DPYD: variants seen among roughly 807,000 people sequenced by gnomAD.
DPYD encodes dihydropyrimidine dehydrogenase.
In DPYD, 109 loss-of-function variants were observed where a neutral mutation model predicts 116.2. That is an observed-to-expected ratio of 0.94 (90% CI 0.80 to 1.10). DPYD has a LOEUF of 1.10. Among genes scored for constraint, DPYD ranks in the 50% least tolerant of loss-of-function variants. The pLI, the probability that DPYD is intolerant of heterozygous loss-of-function variation, is 0.00. For synonymous variants in DPYD, 440 were observed against 432.0 expected, an observed-to-expected ratio of 1.02 and a Z score of -0.23; for missense variants, 1,302 against 1,254.5, an observed-to-expected ratio of 1.04 and a Z score of -0.57.
intron 16 of DPYD, among the ~76,000 whole-genome samples, chr1:97,361,368 C>A (rs926904858): frequency 6.6e-6 from 1 of 152,162 alleles, no homozygotes; most frequent in Non-Finnish European, 1.5e-5. Context: ...CGAATTCTAC[C>A]AGAGGTACAA....
chr1:97,902,229 G>C (rs985320255), intron 1 of DPYD, among the ~76,000 whole-genome samples: 4 of 151,740 alleles, frequency 2.6e-5, no homozygotes, highest in Non-Finnish European at 5.9e-5. Context: ...CCATATTAAA[G>C]ACTGAGTCAA....
intron 18 of DPYD, among the ~76,000 whole-genome samples, chr1:97,240,842 G>A (rs1049756223): frequency 6.6e-6 from 1 of 151,832 alleles, no homozygotes; most frequent in African/African-American, 2.4e-5. Flanking sequence ...CAATGTTAAT[G>A]AAGTTAATAT....
chr1:97,275,357 C>T (rs1664869061), intron 18 of DPYD, among the ~76,000 whole-genome samples: 1 of 152,152 alleles, frequency 6.6e-6, no homozygotes, highest in Non-Finnish European at 1.5e-5. Flanking sequence ...GTTTGAATTG[C>T]TCCTTTGACA....
At chr1:97,571,633 A>C (rs1652901169) in intron 11 of DPYD, among the ~76,000 whole-genome samples, 1 of 151,968 alleles carries the variant, frequency 6.6e-6, no homozygotes, top group Admixed American at 6.6e-5. Context: ...ATCACTAGGT[A>C]CCATCCAGAA....
chr1:97,320,267 C>G lies in DPYD; in HGVS notation c.2059-13970G>C, dbSNP rs1189259717. Among the ~76,000 whole-genome samples, 3 of 144,198 alleles carry G rather than the reference C, an allele frequency of 2.1e-5. No individual in the cohort carries two copies. The East Asian group carries it at 6.3e-4, about 30-fold the overall frequency. The allele number at this position is 144,198 out of a possible 152,430, so 94.6% of individuals were successfully genotyped here. A position where few individuals can be genotyped will look rare whatever the true frequency, so the allele number is the denominator to read the frequency against. ...GCAGGAGAAAGAAATAAAGGGTATT[C>G]AACTAGGAAAAGAGGAAGTCAAATT... On this transcript the variant is annotated intron_variant, in intron 16 of 22. Coordinates refer to ENST00000370192, the MANE Select transcript of DPYD (RefSeq NM_000110.4).
At chr1:97,400,418 G>C (rs969018778) in intron 14 of DPYD, among the ~76,000 whole-genome samples, 13 of 152,094 alleles carry the variant, frequency 8.5e-5, no homozygotes, top group African/African-American at 3.1e-4. Flanking sequence ...ATCTTTTTCT[G>C]TTGTGTCTCT....
intron 8 of DPYD, among the ~76,000 whole-genome samples, chr1:97,655,262 G>C (rs1473902325): frequency 6.6e-6 from 1 of 152,192 alleles, no homozygotes; most frequent in Non-Finnish European, 1.5e-5. Flanking sequence ...AATCCTCTGG[G>C]ATCCCACAAT....
rs140203212 is a variant in DPYD at position 97,367,053 on chromosome 1, C to T, written c.2058+6508G>A. On this transcript the variant is annotated intron_variant, in intron 16 of 22. Coordinates refer to ENST00000370192, the MANE Select transcript of DPYD (RefSeq NM_000110.4). ...TGTGGTCATTGCTCCCTGGACACTG[C>T]ATTGCATATGAGATAGAGGGTCTGC... 2.0e-5 allele frequency among the ~76,000 whole-genome samples: 3 copies of T among 152,186 alleles called. No homozygotes were observed. The East Asian group carries it at 5.8e-4, about 30-fold the overall frequency.
intron 14 of DPYD, among the ~76,000 whole-genome samples, chr1:97,400,592 G>A (rs138436578): frequency 6.6e-6 from 1 of 152,008 alleles, no homozygotes; most frequent in African/African-American, 2.4e-5. Context: ...ACTTTTTTTG[G>A]TTGGTAAGCT....
chr1:97,842,073 C>CT (rs1670067290), intron 2 of DPYD, among the ~76,000 whole-genome samples: 1 of 151,726 alleles, frequency 6.6e-6, no homozygotes, highest in Admixed American at 6.6e-5. Context: ...TCAGAGGCTT[C>CT]TTTTTTTACT....
At chr1:97,602,702 G>A (rs1655335228) in intron 8 of DPYD, among the ~76,000 whole-genome samples, 1 of 151,792 alleles carries the variant, frequency 6.6e-6, no homozygotes, top group African/African-American at 2.4e-5. Flanking sequence ...TTTTATAACA[G>A]ATCATGTCTA....
chr1:97,776,072 AGAAT>A, intron 3 of DPYD, among the ~76,000 whole-genome samples: 1 of 152,294 alleles, frequency 6.6e-6, no homozygotes, highest in South Asian at 2.1e-4. Flanking sequence ...ACAAAAACAT[AGAAT>A]GAATAAGATC....
At chr1:97,227,891 CTTACA>C (rs1661301494) in intron 19 of DPYD, among the ~76,000 whole-genome samples, 1 of 151,992 alleles carries the variant, frequency 6.6e-6, no homozygotes, top group South Asian at 2.1e-4. Flanking sequence ...ATTTTGTGAA[CTTACA>C]TTTAATTCCT....
intron 18 of DPYD, among the ~76,000 whole-genome samples, chr1:97,285,654 C>G (rs2100954454): frequency 6.6e-6 from 1 of 150,656 alleles, no homozygotes; most frequent in Admixed American, 6.6e-5. Context: ...TGACAATTGG[C>G]TGAAAGTCAA....
chr1:97,494,683 A>T (rs1353078586), intron 13 of DPYD, among the ~76,000 whole-genome samples: 1 of 151,960 alleles, frequency 6.6e-6, no homozygotes, highest in African/African-American at 2.4e-5. Flanking sequence ...ATCAGGCTAC[A>T]GTGAGCTGTA....
At chr1:97,586,481 T>C (rs1245327020) in intron 10 of DPYD, among the ~76,000 whole-genome samples, 1,020 of 77,884 alleles carry the variant, frequency 0.013, 46 homozygotes, top group East Asian at 0.044. Flanking sequence ...TATATATATA[T>C]ATATATATAT....
chr1:97,323,022 A>G (rs1443356904), intron 16 of DPYD: 5 of 151,222 alleles, frequency 3.3e-5, no homozygotes, highest in Non-Finnish European at 7.4e-5. Flanking sequence ...TTTTTCCTAT[A>G]TTAGCTTTTT....
At chr1:97,483,497 T>C (rs970481799) in intron 13 of DPYD, among the ~76,000 whole-genome samples, 1 of 152,132 alleles carries the variant, frequency 6.6e-6, no homozygotes, top group African/African-American at 2.4e-5. Flanking sequence ...GACTCGGTCC[T>C]GTTGGGGCTG....
rs567363003 is a variant in DPYD, at chr1:97,475,125, G to A, written c.1741-24902C>T. Among the ~76,000 whole-genome samples, 42 of 152,124 alleles carry A rather than the reference G, an allele frequency of 2.8e-4. 1 individual carries two copies. The highest frequency in any genetic ancestry group is 2.3e-3 in the South Asian group (11 of 4,814). Reference sequence around the variant, plus strand: ...AGCAAAACAGCAGGGCAATGATTGCGGCATCATTTTTGTGGGCATTCATTC... The same window carrying A: ...AGCAAAACAGCAGGGCAATGATTGCAGCATCATTTTTGTGGGCATTCATTC... On this transcript the variant is annotated intron_variant, in intron 13 of 22. Transcript: ENST00000370192.
Sources: gnomAD v4.1 joint callset for allele counts (sites outside exome capture counted in the v4.1 genomes callset) on GRCh38, gnomAD v4.1.1 for gene constraint, MANE v1.5 for transcripts, NCBI Gene and HGNC (gene_info 2026-07-23, HGNC 2026-07-21) for gene names.